The following LACC1 variants were observed in gnomAD, a reference collection of about 807,000 sequenced individuals.
LACC1 encodes the protein purine nucleoside phosphorylase LACC1.
LACC1 carries 25 observed loss-of-function variants against 34.8 expected under a neutral mutation model. The observed-to-expected ratio is 0.72, with a 90% CI of 0.52 to 1.00. The LOEUF (loss-of-function observed/expected upper bound fraction) is 1.00, where lower values mean the gene tolerates loss of function less well. Ranked by LOEUF, LACC1 falls within the 50% of genes least tolerant of loss-of-function variation. LACC1 has a pLI of 0.00. For missense variants in LACC1, 426 were observed against 511.2 expected (o/e 0.83, Z 1.61); for synonymous variants, 162 against 168.0 (o/e 0.96, Z 0.28).
At chr13:43,880,270 G>A (rs1954931564) in intron 1 of LACC1, among the ~76,000 whole-genome samples, 151 bp downstream of exon 1, 2 of 146,218 alleles carry the variant, frequency 1.4e-5, no homozygotes, top group African/African-American at 5.0e-5. Flanking sequence ...GAAGCGGCAG[G>A]AGAAAACCTT....
In LACC1 at chr13:43,881,424, A is replaced by G. The variant is rs778041618; in HGVS notation, c.439A>G (p.Ile147Val). The change falls in exon 2 of 7, where the codon ATT becomes GTT. Residue 147 changes from isoleucine (I) to valine (V), a missense_variant. Ile to Val is a conservative substitution (Grantham distance 29, BLOSUM62 3). This residue lies in a region of LACC1 where 217 missense variants were observed against 210.9 expected (regional missense o/e 1.03). Coordinates refer to ENST00000325686, the MANE Select transcript of LACC1 (RefSeq NM_153218.4). The stretch of plus-strand genomic sequence containing the variant: ...TAGGGGAGGGCTTTTTAAACAGTCC[A>G]TTGAAATAAACGTAATCACAGCTCA... ...TFRGGLFKQS[I>V]EINVITAQEL... 16 of 1,614,038 alleles carry G rather than the reference A, an allele frequency of 9.9e-6. No homozygotes were observed. The highest frequency in any genetic ancestry group is 1.3e-5 in the Non-Finnish European group (15 of 1,180,020).
chr13:43,882,647 T>C lies in LACC1; in HGVS notation c.741+284T>C, dbSNP rs544442329. Among the ~76,000 whole-genome samples the C allele has an allele frequency of 1.3e-4, 20 of 150,786 alleles. No individual in the cohort carries two copies. In the South Asian group the frequency reaches 4.2e-3, roughly 32 times the overall value. ...GATAGGTTCTTAGAAATTGTGACTT[T>C]AAGTGAAACGACATAATAAAACCAA... On this transcript the variant is annotated intron_variant, in intron 3 of 6. Coordinates refer to ENST00000325686, the MANE Select transcript of LACC1 (RefSeq NM_153218.4).
At chr13:43,884,967 G>A (rs1955245140) in intron 4 of LACC1, among the ~76,000 whole-genome samples, 2 of 152,130 alleles carry the variant, frequency 1.3e-5, no homozygotes. Context: ...CAGTCAAAAT[G>A]AAGTTATAAA....
intron 4 of LACC1, among the ~76,000 whole-genome samples, chr13:43,885,530 G>A (rs1276660322): frequency 6.6e-6 from 1 of 152,030 alleles, no homozygotes; most frequent in African/African-American, 2.4e-5. Flanking sequence ...TCCATAAATG[G>A]TGCTGGCATA....
At position 43,882,275 on chromosome 13, in the gene LACC1, G is replaced by A. The variant is rs1436937239; in HGVS notation, c.653G>A (p.Arg218Gln). The A allele has an allele frequency of 3.1e-6, 5 of 1,613,560 alleles. No homozygotes were observed. The highest frequency in any genetic ancestry group is 2.2e-5 in the East Asian group (1 of 44,850). The change falls in exon 3 of 7, where the codon CGG (arginine) becomes CAG (glutamine). Residue 218 changes from arginine to glutamine, a missense_variant. Arg to Gln is a conservative substitution (Grantham distance 43). Around this residue, in one of 2 missense-constraint regions of LACC1, gnomAD observed 209 missense variants for 300.3 expected, o/e 0.70. Coordinates refer to ENST00000325686, the MANE Select transcript of LACC1 (RefSeq NM_153218.4). ...SSFNLFSSSKRRDPKVVVQEN... is the reference protein window; with the variant it reads ...SSFNLFSSSKQRDPKVVVQEN... Reference sequence around the variant, plus strand: ...TTCAATCTCTTCAGTAGTTCCAAACGGAGAGATCCCAAGGTAGTGGTTCAA... The same window carrying A: ...TTCAATCTCTTCAGTAGTTCCAAACAGAGAGATCCCAAGGTAGTGGTTCAA...
Position 43,881,557 on chromosome 13 carries a change from C to A in LACC1, c.562+10C>A, listed in dbSNP as rs765170767. The A allele has an allele frequency of 5.1e-6, 8 of 1,558,008 alleles. No homozygotes were observed. The African/African-American group carries it at 6.9e-5, about 13-fold the overall frequency. ...TCTTCTTTGATCCCAGGTATATTAA[C>A]CACTAACTGTTGTTTTTACTTTGTA... On this transcript the variant is annotated intron_variant, in intron 2 of 6. Transcript: ENST00000325686.
At chr13:43,881,578 T>G in intron 2 of LACC1, 31 bp downstream of exon 2, 1 of 1,481,932 alleles carries the variant, frequency 6.7e-7, no homozygotes, top group Non-Finnish European at 9.1e-7. Context: ...TGTTTTTACT[T>G]TGTACATGGA....
Position 43,882,052 on chromosome 13 carries a change from T to G in LACC1, c.563-133T>G. The G allele has an allele frequency of 4.8e-6, 3 of 621,684 alleles. No homozygotes were observed. The South Asian group carries it at 6.7e-5, about 14-fold the overall frequency. 38.5% of individuals were successfully genotyped at this position (621,684 alleles called of 1,614,324 possible). A position where few individuals can be genotyped will look rare whatever the true frequency, so the allele number is the denominator to read the frequency against. On this transcript the variant is annotated intron_variant, in intron 2 of 6. Coordinates refer to ENST00000325686, the MANE Select transcript of LACC1 (RefSeq NM_153218.4). ...CACAAAGCAGAATGCCATAAGAACA[T>G]ATGGAGGTACAAAATGCCATAGAAA...
chr13:43,889,641 AATCAAGT>A (rs1176636446), intron 5 of LACC1, among the ~76,000 whole-genome samples: 2 of 152,210 alleles, frequency 1.3e-5, no homozygotes, highest in African/African-American at 4.8e-5. Context: ...TGACTTTTAA[AATCAAGT>A]ATCACTAACT....
rs1955100896 is a variant in LACC1, at chr13:43,882,182, C to A, written c.563-3C>A. On this transcript the variant is annotated splice_polypyrimidine_tract_variant and splice_region_variant and intron_variant, in intron 2 of 6. Transcript: ENST00000325686. ...TTAAATCTTCACTGCTTATCTTCAACAGATATTTTCATACATGGATTTACT... is the reference window on the plus strand; with the variant it reads ...TTAAATCTTCACTGCTTATCTTCAAAAGATATTTTCATACATGGATTTACT... The A allele has an allele frequency of 6.3e-7, 1 of 1,593,600 alleles. No homozygotes were observed. Among genetic ancestry groups the A allele is most frequent in the Non-Finnish European group, 8.5e-7 (1 of 1,170,428 alleles).
Position 43,882,328 on chromosome 13 carries a change from G to T in LACC1, c.706G>T (p.Ala236Ser). 1 of 1,612,918 alleles carries T rather than the reference G, an allele frequency of 6.2e-7. No homozygotes were observed. The highest frequency in any genetic ancestry group is 8.5e-7 in the Non-Finnish European group (1 of 1,179,622). Residue 236 changes from alanine (A) to serine (S), a missense_variant, in exon 3 of 7, where the codon GCA becomes TCA. Ala to Ser is a moderately conservative substitution (Grantham distance 99, BLOSUM62 1). This residue lies in a region of LACC1 where 209 missense variants were observed against 300.3 expected (regional missense o/e 0.70). Transcript: ENST00000325686. ...AAATCTGCGTAGGTTGGCGAATGCT[G>T]CAGGATTTAATGTGGAGAAATTTTA... ...QENLRRLANA[A>S]GFNVEKFYRI... is the part of the protein sequence containing the mutation.
intron 4 of LACC1, among the ~76,000 whole-genome samples, chr13:43,885,091 TG>T (rs1481874333): frequency 6.6e-6 from 1 of 152,106 alleles, no homozygotes; most frequent in Non-Finnish European, 1.5e-5. Flanking sequence ...AAAACACTGC[TG>T]AAAGAAAGCA....
chr13:43,889,416 T>C (rs1955473257), intron 5 of LACC1, among the ~76,000 whole-genome samples: 1 of 152,216 alleles, frequency 6.6e-6, no homozygotes, highest in Non-Finnish European at 1.5e-5. Flanking sequence ...ATAATATAAA[T>C]ACACGGTTTT....
chr13:43,883,655 G>A (rs1329998346), intron 3 of LACC1, 116 bp from the exon 4 acceptor site: 9 of 614,114 alleles, frequency 1.5e-5, no homozygotes, highest in Non-Finnish European at 2.3e-5. Context: ...TTTAATGAAT[G>A]CTAGTAATCT....
rs765000385 is a variant in LACC1 at position 43,883,937 on chromosome 13, G to T, written c.907+1G>T. The T allele has an allele frequency of 1.1e-5, 17 of 1,603,724 alleles. No homozygotes were observed. Among genetic ancestry groups the T allele is most frequent in the Non-Finnish European group, 8.5e-7 (1 of 1,175,154 alleles). ...AAAGCATGTGGGGTTGCTCACGCTG[G>T]TAAGTATACTTAATTAAACATTTAG... On this transcript the variant is annotated splice_donor_variant, in intron 4 of 6. Transcript: ENST00000325686. LOFTEE classifies it high-confidence loss of function.
At chr13:43,882,960 TAC>T (rs200731455) in intron 3 of LACC1, among the ~76,000 whole-genome samples, 2 of 150,644 alleles carry the variant, frequency 1.3e-5, no homozygotes, top group African/African-American at 2.4e-5. Flanking sequence ...AGGGTGCCCT[TAC>T]ACACACACAC....
At chr13:43,889,146 GT>G (rs1380017023) in intron 5 of LACC1, among the ~76,000 whole-genome samples, 164 bp downstream of exon 5, 1 of 152,128 alleles carries the variant, frequency 6.6e-6, no homozygotes, top group African/African-American at 2.4e-5. Flanking sequence ...TATGAAATCT[GT>G]TTTCATTTGA....
At chr13:43,890,415 C>T in intron 6 of LACC1, 141 bp downstream of exon 6, 1 of 638,438 alleles carries the variant, frequency 1.6e-6, no homozygotes, top group South Asian at 2.7e-5. Flanking sequence ...TTAAACTTTA[C>T]TCCTTTATTC....
In LACC1 at chr13:43,891,888, G is replaced by A. The variant is rs1275316967; in HGVS notation, c.*441G>A. 1 of 152,126 alleles carries A rather than the reference G, an allele frequency of 6.6e-6. No individual in the cohort carries two copies. Among genetic ancestry groups the A allele is most frequent in the Non-Finnish European group, 1.5e-5 (1 of 68,040 alleles). 9.4% of individuals were successfully genotyped at this position (152,126 alleles called of 1,614,324 possible). ...TTAATAGCAGTAGAAGAGAACATAAGGAATAGAGGTTAATTTTACCCAGAA... is the reference window on the plus strand; with the variant it reads ...TTAATAGCAGTAGAAGAGAACATAAAGAATAGAGGTTAATTTTACCCAGAA... On this transcript the variant is annotated 3_prime_UTR_variant, in exon 7 of 7. Transcript: ENST00000325686.
Sources: gnomAD v4.1 joint callset for allele counts (sites outside exome capture counted in the v4.1 genomes callset) on GRCh38, gnomAD v4.1.1 for gene constraint, gnomAD v4.1.1 regional missense constraint, MANE v1.5 for transcripts, NCBI Gene and HGNC (gene_info 2026-07-23, HGNC 2026-07-21) for gene names.